The following PPM1L variants were observed in gnomAD, a reference collection of about 807,000 sequenced individuals.
PPM1L encodes protein phosphatase 1L.
PPM1L carries 13 observed loss-of-function variants against 31.4 expected under a neutral mutation model. That is an observed-to-expected ratio of 0.41 (90% confidence interval 0.27 to 0.66). The LOEUF is 0.66. Among genes scored for constraint, PPM1L ranks in the 30% least tolerant of loss-of-function variants. PPM1L has a pLI of 0.29. For synonymous variants in PPM1L, 184 were observed against 175.4 expected (o/e 1.05, Z -0.39); for missense variants, 326 against 453.7 (o/e 0.72, Z 2.56).
At chr3:161,043,614 C>A (rs1005468019) in intron 2 of PPM1L, among the ~76,000 whole-genome samples, 1 of 152,190 alleles carries the variant, frequency 6.6e-6, no homozygotes, top group Non-Finnish European at 1.5e-5. Flanking sequence ...GGTTTTATTG[C>A]AAATCAGCCA....
At chr3:161,067,887 C>T (rs1304130704) in intron 3 of PPM1L, among the ~76,000 whole-genome samples, 1 of 152,214 alleles carries the variant, frequency 6.6e-6, no homozygotes, top group Non-Finnish European at 1.5e-5. Flanking sequence ...CATCTGCCTA[C>T]AGCATTTAGC....
At chr3:160,834,093 G>A (rs558478128) in intron 1 of PPM1L, among the ~76,000 whole-genome samples, 39 of 147,096 alleles carry the variant, frequency 2.7e-4, no homozygotes, top group African/African-American at 9.9e-4. Flanking sequence ...GCACAATCTC[G>A]GTTCACTGCA....
intron 1 of PPM1L, among the ~76,000 whole-genome samples, chr3:160,761,725 T>G (rs553398279): frequency 6.6e-6 from 1 of 152,296 alleles, no homozygotes; most frequent in Admixed American, 6.5e-5. Context: ...GCTGGGAAAT[T>G]TACAAAAGAA....
chr3:160,797,950 C>T (rs62272819), intron 1 of PPM1L, among the ~76,000 whole-genome samples: 7,761 of 152,226 alleles, frequency 0.051, 269 homozygotes, highest in East Asian at 0.16. Flanking sequence ...GAGGCCAAGG[C>T]GGGCGGATCA....
In PPM1L at chr3:161,070,549, C is replaced by T. The variant is rs1180339124; in HGVS notation, c.*1392C>T. On this transcript the variant is annotated 3_prime_UTR_variant, in exon 4 of 4. Coordinates refer to ENST00000498165, the MANE Select transcript of PPM1L (RefSeq NM_139245.4). Reference sequence around the variant, plus strand: ...TTGCTGCTCTCCATTTCCTGTATCGCTAATTTATCATTTTTCCAACCTTGG... The same window carrying T: ...TTGCTGCTCTCCATTTCCTGTATCGTTAATTTATCATTTTTCCAACCTTGG... 6.6e-6 allele frequency: 1 copy of T among 152,178 alleles called. No individual in the cohort carries two copies. Among genetic ancestry groups the T allele is most frequent in the Non-Finnish European group, 1.5e-5 (1 of 68,042 alleles). 9.4% of individuals were successfully genotyped at this position (152,178 alleles called of 1,614,324 possible).
At chr3:161,048,465 C>T (rs1201045816) in intron 2 of PPM1L, among the ~76,000 whole-genome samples, 1 of 152,164 alleles carries the variant, frequency 6.6e-6, no homozygotes, top group Non-Finnish European at 1.5e-5. Context: ...AATAGGAATA[C>T]TTTTACACTG....
Position 160,850,129 on chromosome 3 carries a change from G to T in PPM1L, c.399+93422G>T, listed in dbSNP as rs571956096. Among the ~76,000 whole-genome samples the T allele has an allele frequency of 6.1e-4, 93 of 152,314 alleles. 3 individuals are homozygous for T. The Middle Eastern group carries it at 0.01, about 17-fold the overall frequency. On this transcript the variant is annotated intron_variant, in intron 1 of 3. Coordinates refer to ENST00000498165, the MANE Select transcript of PPM1L (RefSeq NM_139245.4). Reference sequence around the variant, plus strand: ...ACGGCTATCAATCAGAGGTTCCCATGAGTGTGTCCTTAGGTTTGATCATTT... The same window carrying T: ...ACGGCTATCAATCAGAGGTTCCCATTAGTGTGTCCTTAGGTTTGATCATTT...
At chr3:161,010,157 C>G (rs1717843742) in intron 2 of PPM1L, among the ~76,000 whole-genome samples, 1 of 152,198 alleles carries the variant, frequency 6.6e-6, no homozygotes, top group African/African-American at 2.4e-5. Flanking sequence ...TCCTCCTCCC[C>G]CCACCCCATG....
chr3:160,990,547 A>C (rs1375646635), intron 2 of PPM1L, among the ~76,000 whole-genome samples: 1 of 152,232 alleles, frequency 6.6e-6, no homozygotes, highest in African/African-American at 2.4e-5. Flanking sequence ...CTGCAAATGA[A>C]GACTAACAGT....
chr3:160,985,356 A>G (rs1356127830), intron 2 of PPM1L, among the ~76,000 whole-genome samples: 2 of 152,176 alleles, frequency 1.3e-5, no homozygotes, highest in Non-Finnish European at 1.5e-5. Context: ...TTAAAGGGTA[A>G]GACTAGTTTA....
At chr3:160,793,040 G>C (rs1161676670) in intron 1 of PPM1L, among the ~76,000 whole-genome samples, 1 of 152,144 alleles carries the variant, frequency 6.6e-6, no homozygotes, top group Non-Finnish European at 1.5e-5. Flanking sequence ...ATCATATCAA[G>C]AATATGTAAC....
At chr3:160,877,976 A>G (rs554083670) in intron 1 of PPM1L, among the ~76,000 whole-genome samples, 1 of 152,312 alleles carries the variant, frequency 6.6e-6, no homozygotes, top group African/African-American at 2.4e-5. Context: ...AAGCTTTCCT[A>G]TGTCAGCAGC....
intron 1 of PPM1L, among the ~76,000 whole-genome samples, chr3:160,902,534 G>A (rs1383043740): frequency 1.3e-5 from 2 of 152,050 alleles, no homozygotes; most frequent in Non-Finnish European, 2.9e-5. Context: ...TAGAGAAATG[G>A]TTTACAAGAG....
chr3:161,027,290 A>G (rs1207030929), intron 2 of PPM1L, among the ~76,000 whole-genome samples: 2 of 152,236 alleles, frequency 1.3e-5, no homozygotes, highest in East Asian at 3.8e-4. Context: ...CGATTGGTGC[A>G]ATCAAGGTGT....
At chr3:160,985,981 CAA>C (rs1553752453) in intron 2 of PPM1L, among the ~76,000 whole-genome samples, 62 of 149,032 alleles carry the variant, frequency 4.2e-4, no homozygotes, top group African/African-American at 1.3e-3. Flanking sequence ...TCCACCCACC[CAA>C]AAAAAAAAAT....
chr3:161,064,780 C>G (rs1576626236), intron 2 of PPM1L, among the ~76,000 whole-genome samples: 1 of 152,264 alleles, frequency 6.6e-6, no homozygotes, highest in East Asian at 1.9e-4. Context: ...CCACCCTCTC[C>G]CTAGGCCTCA....
intron 1 of PPM1L, among the ~76,000 whole-genome samples, chr3:160,836,088 A>T (rs554272734): frequency 1.3e-5 from 2 of 152,128 alleles, no homozygotes; most frequent in Non-Finnish European, 2.9e-5. Context: ...GAAATACATG[A>T]TAGGCTCTAA....
At chr3:160,910,260 T>TCCCCTTTCCCCG (rs1713920121) in intron 1 of PPM1L, among the ~76,000 whole-genome samples, 1 of 4,200 alleles carries the variant, frequency 2.4e-4, no homozygotes, top group Non-Finnish European at 8.4e-4. Context: ...CCCTTCCCCT[T>TCCCCTTTCCCCG]TCCCCTTCCC....
chr3:160,916,898 A>G (rs1455283637), intron 1 of PPM1L, among the ~76,000 whole-genome samples: 3 of 152,210 alleles, frequency 2.0e-5, no homozygotes, highest in African/African-American at 7.2e-5. Flanking sequence ...GTAACTTAGA[A>G]ACAAAACATC....
Sources: allele counts gnomAD v4.1 joint callset (sites outside exome capture counted in the v4.1 genomes callset), GRCh38; gene constraint gnomAD v4.1.1; transcripts MANE v1.5; gene names NCBI Gene and HGNC (gene_info 2026-07-23, HGNC 2026-07-21).